Variants in KATNIP observed in about 807,000 individuals in gnomAD.
The protein encoded by KATNIP is katanin interacting protein, also known as katanin-interacting protein.
In KATNIP, 126 loss-of-function variants were observed where a neutral mutation model predicts 174.0. The observed-to-expected ratio is 0.72, with a 90% confidence interval of 0.63 to 0.84. KATNIP has a LOEUF of 0.84. Among genes scored for constraint, KATNIP ranks in the 40% least tolerant of loss-of-function variants. KATNIP has a pLI of 0.00. For missense variants in KATNIP, 1,958 were observed against 2,109.7 expected (o/e 0.93, Z 1.41); for synonymous variants, 810 against 835.7 (o/e 0.97, Z 0.53).
At chr16:27,669,271 A>G (rs905625572) in intron 6 of KATNIP, 2 of 985,200 alleles carry the variant, frequency 2.0e-6, no homozygotes, top group African/African-American at 3.5e-5. Flanking sequence ...TCTAGAAACT[A>G]CCTTTAAGTC....
chr16:27,559,767 G>T (rs1485792671), intron 1 of KATNIP, among the ~76,000 whole-genome samples: 1 of 151,538 alleles, frequency 6.6e-6, no homozygotes, highest in Non-Finnish European at 1.5e-5. Flanking sequence ...GATCACTTGA[G>T]GTCAGAAGTT....
chr16:27,701,727 C>T (rs752953046), intron 11 of KATNIP, 32 bp downstream of exon 11: 2 of 1,461,820 alleles, frequency 1.4e-6, no homozygotes, highest in Admixed American at 1.9e-5. Context: ...AACCCGAAAC[C>T]CCTTAGCAGT....
At chr16:27,753,138 C>T (rs985934612) in intron 17 of KATNIP, among the ~76,000 whole-genome samples, 3 of 152,054 alleles carry the variant, frequency 2.0e-5, no homozygotes, top group Non-Finnish European at 2.9e-5. Context: ...GCGTGCCCCT[C>T]CCCCTCCCCA....
intron 2 of KATNIP, among the ~76,000 whole-genome samples, chr16:27,606,687 G>C (rs1169796293): frequency 6.6e-6 from 1 of 151,588 alleles, no homozygotes; most frequent in Non-Finnish European, 1.5e-5. Context: ...CTTCCATTCT[G>C]CTGTCTCTAT....
chr16:27,698,669 G>C (rs2078999168), intron 9 of KATNIP, among the ~76,000 whole-genome samples, 169 bp downstream of exon 9: 1 of 152,256 alleles, frequency 6.6e-6, no homozygotes, highest in South Asian at 2.1e-4. Flanking sequence ...GACCTGCTAA[G>C]GCTCCCTTTT....
chr16:27,554,104 G>T (rs2089509685), intron 1 of KATNIP, among the ~76,000 whole-genome samples: 1 of 152,124 alleles, frequency 6.6e-6, no homozygotes, highest in Non-Finnish European at 1.5e-5. Context: ...CTAGTACATT[G>T]TGGTAACATT....
chr16:27,609,841 G>A (rs1416536247), intron 2 of KATNIP, among the ~76,000 whole-genome samples: 9 of 151,936 alleles, frequency 5.9e-5, no homozygotes, highest in Admixed American at 4.6e-4. Flanking sequence ...ACAAGCATGC[G>A]CCACCATGCC....
At chr16:27,613,905 T>G (rs1235408391) in intron 2 of KATNIP, among the ~76,000 whole-genome samples, 1 of 152,002 alleles carries the variant, frequency 6.6e-6, no homozygotes, top group African/African-American at 2.4e-5. Context: ...GCTAGTTTGT[T>G]TTTTGTTGTT....
rs190020126 is a variant in KATNIP at position 27,646,115 on chromosome 16, C to G, written c.409-2489C>G. ...TTCAGGGTACAAGGGAGGGCCAAGA[C>G]TGTCACAAATAACTTTAATCCTCTT... is the stretch of plus-strand genomic sequence containing the variant. On this transcript the variant is annotated intron_variant, in intron 5 of 27. Transcript: ENST00000261588. Among the ~76,000 whole-genome samples the G allele has an allele frequency of 3.3e-5, 5 of 152,338 alleles. No homozygotes were observed. In the East Asian group the frequency reaches 9.6e-4, roughly 29 times the overall value.
chr16:27,570,521 C>T (rs1596748973), intron 1 of KATNIP, among the ~76,000 whole-genome samples: 1 of 152,222 alleles, frequency 6.6e-6, no homozygotes, highest in Non-Finnish European at 1.5e-5. Context: ...AAGCGGAGAT[C>T]GCACCACTGC....
At chr16:27,759,555 T>A (rs1293027731) in intron 18 of KATNIP, among the ~76,000 whole-genome samples, 1 of 152,214 alleles carries the variant, frequency 6.6e-6, no homozygotes, top group Non-Finnish European at 1.5e-5. Context: ...TGGCCTCTAC[T>A]GGGCCTGCTC....
At chr16:27,559,856 C>T (rs1346610141) in intron 1 of KATNIP, among the ~76,000 whole-genome samples, 1 of 151,544 alleles carries the variant, frequency 6.6e-6, no homozygotes, top group Admixed American at 6.6e-5. Context: ...TGGCACCTGC[C>T]TATAATCCCA....
intron 3 of KATNIP, among the ~76,000 whole-genome samples, chr16:27,625,067 T>C (rs758168571): frequency 1.3e-5 from 2 of 152,320 alleles, no homozygotes; most frequent in African/African-American, 2.4e-5. Flanking sequence ...GAATCTGATT[T>C]ATCTGAGTCC....
chr16:27,735,869 G>A (rs867564752), intron 14 of KATNIP, among the ~76,000 whole-genome samples: 5 of 152,120 alleles, frequency 3.3e-5, no homozygotes, highest in Middle Eastern at 3.2e-3. Flanking sequence ...AAGGCAACAC[G>A]GGAAATAAAC....
At chr16:27,568,303 A>G (rs1030262299) in intron 1 of KATNIP, among the ~76,000 whole-genome samples, 1 of 152,226 alleles carries the variant, frequency 6.6e-6, no homozygotes, top group Non-Finnish European at 1.5e-5. Context: ...TGCTATTACA[A>G]ATCATGATAC....
chr16:27,680,679 C>T (rs768906538), intron 7 of KATNIP, among the ~76,000 whole-genome samples: 1 of 147,546 alleles, frequency 6.8e-6, no homozygotes, highest in South Asian at 2.3e-4. Context: ...CGTGCCAACA[C>T]ATCTGGCTTT....
chr16:27,560,286 A>G (rs1452006615), intron 1 of KATNIP, among the ~76,000 whole-genome samples: 1 of 148,826 alleles, frequency 6.7e-6, no homozygotes, highest in Non-Finnish European at 1.5e-5. Context: ...TGTCTCAGAA[A>G]AAAAAAAAAA....
chr16:27,665,643 C>G (rs1230405770), intron 6 of KATNIP, among the ~76,000 whole-genome samples: 4 of 151,602 alleles, frequency 2.6e-5, no homozygotes, highest in Admixed American at 2.6e-4. Flanking sequence ...CTCTTTCCCC[C>G]AGGCTGGAGT....
intron 1 of KATNIP, among the ~76,000 whole-genome samples, chr16:27,563,105 T>C (rs996248454): frequency 6.6e-6 from 1 of 152,224 alleles, no homozygotes; most frequent in South Asian, 2.1e-4. Context: ...GATAGCAGCC[T>C]CTGGTTTCAT....
Sources: allele counts gnomAD v4.1 joint callset (sites outside exome capture counted in the v4.1 genomes callset), GRCh38; gene constraint gnomAD v4.1.1; transcripts MANE v1.5; gene names NCBI Gene and HGNC (gene_info 2026-07-23, HGNC 2026-07-21).